The following EIF4H variants were observed in gnomAD, a reference collection of about 807,000 sequenced individuals.
EIF4H encodes Williams-Beuren syndrome chromosome region 1.
Under a neutral mutation model 30.6 loss-of-function variants are expected in EIF4H, and 8 were observed. The observed-to-expected ratio is 0.26, with a 90% CI of 0.15 to 0.47. The LOEUF (loss-of-function observed/expected upper bound fraction) is 0.47, where lower values mean the gene tolerates loss of function less well. EIF4H is among the 20% of genes least tolerant of loss of function. The probability of loss-of-function intolerance (pLI) is 0.99; values close to 1 mark genes in which losing one functional copy is unlikely to be tolerated. For synonymous variants in EIF4H, 106 were observed against 122.7 expected, an observed-to-expected ratio of 0.86 and a Z score of 0.90; for missense variants, 188 against 339.5, an observed-to-expected ratio of 0.55 and a Z score of 3.51.
chr7:74,178,089 G>A (rs1584172542), intron 1 of EIF4H, among the ~76,000 whole-genome samples: 1 of 151,864 alleles, frequency 6.6e-6, no homozygotes, highest in Non-Finnish European at 1.5e-5. Flanking sequence ...TACAGGGTGC[G>A]CCACCATGCC....
intron 1 of EIF4H, among the ~76,000 whole-genome samples, chr7:74,185,320 C>A (rs1233273202): frequency 6.6e-6 from 1 of 152,162 alleles, no homozygotes. Flanking sequence ...TATTTATTAT[C>A]CCGTCCTAAA....
At chr7:74,180,821 C>A (rs1800942597) in intron 1 of EIF4H, among the ~76,000 whole-genome samples, 1 of 152,218 alleles carries the variant, frequency 6.6e-6, no homozygotes, top group Admixed American at 6.5e-5. Flanking sequence ...AGGTGTGGCC[C>A]TCCAGGCCAG....
At chr7:74,179,459 C>T (rs1451208215) in intron 1 of EIF4H, among the ~76,000 whole-genome samples, 4 of 152,064 alleles carry the variant, frequency 2.6e-5, no homozygotes, top group African/African-American at 9.6e-5. Flanking sequence ...TGGCAAAGCC[C>T]CATCTCTACT....
chr7:74,183,595 G>A (rs981203824), intron 1 of EIF4H, among the ~76,000 whole-genome samples: 7 of 152,218 alleles, frequency 4.6e-5, no homozygotes, highest in Non-Finnish European at 8.8e-5. Context: ...GTGTAGGAAT[G>A]TACTGAATTT....
At chr7:74,182,417 CTGAGCTCAAG>C (rs1165403720) in intron 1 of EIF4H, among the ~76,000 whole-genome samples, 1 of 152,362 alleles carries the variant, frequency 6.6e-6, no homozygotes, top group East Asian at 1.9e-4. Context: ...TCTCAAACTC[CTGAGCTCAAG>C]TGATCTCCCC....
At chr7:74,178,360 A>G (rs150878) in intron 1 of EIF4H, among the ~76,000 whole-genome samples, 143,333 of 152,088 alleles carry the variant, frequency 0.94, 67,589 homozygotes, top group Non-Finnish European at 0.96. Context: ...GACCACCCTG[A>G]CCAACGTGGC....
chr7:74,187,819 T>C (rs782580800), intron 2 of EIF4H, 21 bp downstream of exon 2: 7 of 1,590,046 alleles, frequency 4.4e-6, no homozygotes, highest in East Asian at 2.3e-5. Flanking sequence ...GGGATTCTTA[T>C]TGTATATTAC....
rs1459493104 is a variant in EIF4H at position 74,175,622 on chromosome 7, TAAAA to T, written c.59+1184_59+1187del. Among the ~76,000 whole-genome samples, 4 of 152,104 alleles carry T rather than the reference TAAAA, an allele frequency of 2.6e-5. No homozygotes were observed. The South Asian group carries it at 8.3e-4, about 31-fold the overall frequency. Reference sequence around the variant, plus strand: ...TTCCAAAGAACATTTTATTTGCTAATAAAAAAAGAAGTAAATGTTGGATGACATG... The same window carrying T: ...TTCCAAAGAACATTTTATTTGCTAATAAAGAAGTAAATGTTGGATGACATG... On this transcript the variant is annotated intron_variant, in intron 1 of 6. Coordinates refer to ENST00000265753, the MANE Select transcript of EIF4H (RefSeq NM_022170.2).
At chr7:74,180,100 G>A (rs530143090) in intron 1 of EIF4H, among the ~76,000 whole-genome samples, 2 of 152,210 alleles carry the variant, frequency 1.3e-5, no homozygotes, top group Admixed American at 1.3e-4. Context: ...GGGAGGCTGA[G>A]GCTAGAGGAT....
chr7:74,178,204 G>A (rs1554707953), intron 1 of EIF4H, among the ~76,000 whole-genome samples: 1 of 152,034 alleles, frequency 6.6e-6, no homozygotes, highest in African/African-American at 2.4e-5. Context: ...GCCTCCCAAG[G>A]CTCATTGTGT....
At chr7:74,194,935 G>T in intron 6 of EIF4H, 57 bp downstream of exon 6, 1 of 1,548,788 alleles carries the variant, frequency 6.5e-7, no homozygotes, top group South Asian at 1.2e-5. Flanking sequence ...ATCATGGCCG[G>T]TTCACACCCC....
At chr7:74,176,920 GGCAGTAAAGT>G (rs1306804043) in intron 1 of EIF4H, among the ~76,000 whole-genome samples, 2 of 152,126 alleles carry the variant, frequency 1.3e-5, no homozygotes, top group African/African-American at 4.8e-5. Flanking sequence ...ATCTACCATT[GGCAGTAAAGT>G]GCAGAGTAAT....
intron 5 of EIF4H, among the ~76,000 whole-genome samples, chr7:74,192,513 C>G (rs1342802419): frequency 1.3e-5 from 2 of 152,006 alleles, no homozygotes; most frequent in African/African-American, 4.8e-5. Context: ...GAATAGAAAT[C>G]GGCCCCCACC....
intron 5 of EIF4H, among the ~76,000 whole-genome samples, chr7:74,190,768 C>T (rs1455716657): frequency 2.6e-5 from 4 of 151,958 alleles, no homozygotes; most frequent in African/African-American, 4.8e-5. Flanking sequence ...TGATGCACTT[C>T]GCCGTTCTCT....
chr7:74,178,370 C>A (rs571568521), intron 1 of EIF4H, among the ~76,000 whole-genome samples: 35 of 152,020 alleles, frequency 2.3e-4, no homozygotes, highest in Admixed American at 9.2e-4. Context: ...ACCAACGTGG[C>A]AAAACCCCAT....
chr7:74,188,493 C>T (rs1425825312), intron 2 of EIF4H, among the ~76,000 whole-genome samples: 5 of 152,148 alleles, frequency 3.3e-5, no homozygotes, highest in South Asian at 2.1e-4. Context: ...TAACTTGGGG[C>T]GGGGAGCTGT....
At position 74,187,741 on chromosome 7, in the gene EIF4H, G is replaced by A. The variant is rs1554709387; in HGVS notation, c.190G>A (p.Asp64Asn). 2 of 1,613,872 alleles carry A rather than the reference G, an allele frequency of 1.2e-6. No individual in the cohort carries two copies. Among genetic ancestry groups the A allele is most frequent in the South Asian group, 2.2e-5 (2 of 91,052 alleles). ...VQGDIDAIFK[D>N]LSIRSVRLVR... ...GGGCGACATAGATGCTATCTTTAAG[G>A]ATCTCAGCATAAGGAGTGTACGGCT... Residue 64 changes from aspartate (D) to asparagine (N), a missense_variant, in exon 2 of 7, where the codon GAT becomes AAT. Physicochemically the swap from Asp to Asn is conservative, Grantham distance 23. Coordinates refer to ENST00000265753, the MANE Select transcript of EIF4H (RefSeq NM_022170.2).
intron 1 of EIF4H, among the ~76,000 whole-genome samples, chr7:74,176,701 A>G (rs1319281232): frequency 6.6e-6 from 1 of 152,232 alleles, no homozygotes; most frequent in East Asian, 1.9e-4. Context: ...TAACCAGTGC[A>G]GTTGTCAGGA....
chr7:74,177,745 A>G (rs1800873281), intron 1 of EIF4H, among the ~76,000 whole-genome samples: 1 of 152,162 alleles, frequency 6.6e-6, no homozygotes, highest in Non-Finnish European at 1.5e-5. Context: ...TTAGTTCCAA[A>G]CCATTATCCT....
Sources: gnomAD v4.1 joint callset for allele counts (sites outside exome capture counted in the v4.1 genomes callset) on GRCh38, gnomAD v4.1.1 for gene constraint, MANE v1.5 for transcripts, NCBI Gene and HGNC (gene_info 2026-07-23, HGNC 2026-07-21) for gene names.